Variants in WWOX observed in about 807,000 individuals in gnomAD.
WWOX encodes WW domain-containing oxidoreductase.
A neutral mutation model predicts 46.2 loss-of-function variants in WWOX; 69 were observed. The ratio of observed to expected loss-of-function variants is 1.49; its 90% CI spans 1.23 to 1.82. The LOEUF (loss-of-function observed/expected upper bound fraction) is 1.82, where lower values mean the gene tolerates loss of function less well. WWOX is among the 40% of genes most tolerant of loss of function. The probability of loss-of-function intolerance (pLI) is 0.00; values close to 1 mark genes in which losing one functional copy is unlikely to be tolerated. For missense variants in WWOX, 919 were observed against 542.6 expected, an observed-to-expected ratio of 1.69 and a Z score of -6.89; for synonymous variants, 359 against 202.6, an observed-to-expected ratio of 1.77 and a Z score of -6.56.
At chr16:78,999,480 G>C (rs764675911) in intron 8 of WWOX, among the ~76,000 whole-genome samples, 6 of 152,052 alleles carry the variant, frequency 3.9e-5, no homozygotes, top group Non-Finnish European at 5.9e-5. Flanking sequence ...CAAGAAAGAA[G>C]GAATAGCTGC....
chr16:78,972,266 C>T (rs1186919624), intron 8 of WWOX, among the ~76,000 whole-genome samples: 1 of 152,042 alleles, frequency 6.6e-6, no homozygotes, highest in East Asian at 1.9e-4. Flanking sequence ...CTGTTTGTAA[C>T]ATTGAATACT....
At chr16:78,941,659 G>A (rs2045854258) in intron 8 of WWOX, among the ~76,000 whole-genome samples, 1 of 152,106 alleles carries the variant, frequency 6.6e-6, no homozygotes, top group Non-Finnish European at 1.5e-5. Flanking sequence ...TATTCCTGCA[G>A]TACATTGTAT....
At chr16:78,215,183 C>A (rs934382730) in intron 5 of WWOX, among the ~76,000 whole-genome samples, 4 of 152,184 alleles carry the variant, frequency 2.6e-5, no homozygotes, top group Admixed American at 1.3e-4. Context: ...TCATTTTCTT[C>A]CCCATATCAA....
chr16:78,486,897 C>G (rs866102790), intron 8 of WWOX, among the ~76,000 whole-genome samples: 5 of 152,154 alleles, frequency 3.3e-5, no homozygotes, highest in African/African-American at 1.2e-4. Context: ...TAAATTGCAC[C>G]TTGGGTTCGG....
intron 8 of WWOX, among the ~76,000 whole-genome samples, chr16:78,760,120 C>G (rs572166196): frequency 6.6e-6 from 1 of 152,234 alleles, no homozygotes; most frequent in African/African-American, 2.4e-5. Context: ...TTCCATGTGG[C>G]TAGGGTGGGT....
chr16:78,271,495 G>T (rs4519340), intron 5 of WWOX, among the ~76,000 whole-genome samples: 1 of 152,136 alleles, frequency 6.6e-6, no homozygotes, highest in Non-Finnish European at 1.5e-5. Context: ...AGCCAACCAC[G>T]AGAGCTTCAC....
In WWOX at chr16:79,212,447, A is replaced by G. The variant is rs567310514; in HGVS notation, c.*651A>G. On this transcript the variant is annotated 3_prime_UTR_variant, in exon 9 of 9. Transcript: ENST00000566780. ...CTATGCAAAAAATTCTTTAGAGATT[A>G]TAACAAATTTTTCAAATCATTCCTT... 9 of 271,964 alleles carry G rather than the reference A, an allele frequency of 3.3e-5. No homozygotes were observed. The highest frequency in any genetic ancestry group is 1.3e-4 in the East Asian group (2 of 14,954). The allele number at this position is 271,964 out of a possible 1,614,324, so 16.8% of individuals were successfully genotyped here.
chr16:78,611,250 C>G (rs752417579), intron 8 of WWOX, among the ~76,000 whole-genome samples: 15 of 152,124 alleles, frequency 9.9e-5, no homozygotes, highest in Non-Finnish European at 1.8e-4. Flanking sequence ...AAAGACATCT[C>G]CTTCTCATAT....
At chr16:78,514,134 A>C (rs547488962) in intron 8 of WWOX, among the ~76,000 whole-genome samples, 4 of 152,340 alleles carry the variant, frequency 2.6e-5, no homozygotes, top group African/African-American at 9.6e-5. Flanking sequence ...CTTTCTCTAT[A>C]GAGGCTTCAG....
intron 8 of WWOX, among the ~76,000 whole-genome samples, chr16:79,169,893 A>G (rs2050667349): frequency 6.6e-6 from 1 of 152,172 alleles, no homozygotes. Context: ...GGGCCCAGAA[A>G]TCAAGATGGA....
At chr16:78,510,404 C>T (rs528545297) in intron 8 of WWOX, among the ~76,000 whole-genome samples, 1 of 152,252 alleles carries the variant, frequency 6.6e-6, no homozygotes, top group African/African-American at 2.4e-5. Context: ...TGGAGTTTCA[C>T]CCTTTTGATT....
At chr16:78,151,140 G>A (rs1352828390) in intron 4 of WWOX, among the ~76,000 whole-genome samples, 2 of 151,328 alleles carry the variant, frequency 1.3e-5, no homozygotes, top group African/African-American at 4.9e-5. Context: ...GCTTCCCAAT[G>A]TGCTAGGATT....
chr16:78,465,146 G>A (rs1829299766), intron 8 of WWOX, among the ~76,000 whole-genome samples: 1 of 152,186 alleles, frequency 6.6e-6, no homozygotes, highest in African/African-American at 2.4e-5. Context: ...TCCCTACCAT[G>A]ACACATGGGA....
At chr16:79,023,543 G>C (rs2047577083) in intron 8 of WWOX, among the ~76,000 whole-genome samples, 1 of 152,158 alleles carries the variant, frequency 6.6e-6, no homozygotes, top group Non-Finnish European at 1.5e-5. Context: ...AAGGTCTGAA[G>C]AGGACAGTGA....
intron 8 of WWOX, among the ~76,000 whole-genome samples, chr16:78,649,109 G>C (rs1882953): frequency 1.3e-5 from 2 of 152,080 alleles, no homozygotes; most frequent in African/African-American, 4.8e-5. Context: ...AAGTAGCTGA[G>C]ATTACAGGCG....
chr16:79,044,900 G>A (rs1018622077), intron 8 of WWOX, among the ~76,000 whole-genome samples: 3 of 151,528 alleles, frequency 2.0e-5, no homozygotes, highest in Non-Finnish European at 4.4e-5. Flanking sequence ...TGTGTAGAAT[G>A]AGGCTAATGC....
chr16:79,090,573 G>C (rs2048939475), intron 8 of WWOX, among the ~76,000 whole-genome samples: 1 of 152,130 alleles, frequency 6.6e-6, no homozygotes, highest in African/African-American at 2.4e-5. Context: ...TGTTTAGAGG[G>C]CTGAGGACAG....
intron 6 of WWOX, among the ~76,000 whole-genome samples, chr16:78,421,073 A>G (rs940915738): frequency 1.3e-5 from 2 of 152,106 alleles, no homozygotes; most frequent in African/African-American, 4.8e-5. Flanking sequence ...TTGACATGTC[A>G]TTATGGATTC....
intron 8 of WWOX, among the ~76,000 whole-genome samples, chr16:78,787,484 A>T (rs1293459295): frequency 6.6e-6 from 1 of 152,164 alleles, no homozygotes; most frequent in East Asian, 1.9e-4. Context: ...CATGTTGTAG[A>T]ATGTATCAGT....
Sources: gnomAD v4.1 joint callset for allele counts (sites outside exome capture counted in the v4.1 genomes callset) on GRCh38, gnomAD v4.1.1 for gene constraint, MANE v1.5 for transcripts, NCBI Gene and HGNC (gene_info 2026-07-23, HGNC 2026-07-21) for gene names.